CYTH3: variants seen among roughly 807,000 people sequenced by gnomAD.
CYTH3 encodes cytohesin-3.
A neutral mutation model predicts 55.1 loss-of-function variants in CYTH3; 23 were observed. The ratio of observed to expected loss-of-function variants is 0.42; its 90% CI spans 0.30 to 0.59. CYTH3 has a LOEUF of 0.59. CYTH3 is among the 20% of genes least tolerant of loss of function. The pLI, the probability that CYTH3 is intolerant of heterozygous loss-of-function variation, is 0.20. For synonymous variants in CYTH3, 249 were observed against 194.9 expected, an observed-to-expected ratio of 1.28 and a Z score of -2.31; for missense variants, 413 against 524.8, an observed-to-expected ratio of 0.79 and a Z score of 2.08.
In CYTH3 at chr7:6,215,220, T is replaced by C. The variant is rs997979090; in HGVS notation, c.35-24689A>G. On this transcript the variant is annotated intron_variant, in intron 1 of 12. Coordinates refer to ENST00000350796, the MANE Select transcript of CYTH3 (RefSeq NM_004227.4). ...TTCCTGATTATTCCCCCTGCTCTAG[T>C]GACCCAAGAGCAGAAGATGCTCCAC... 2.0e-5 allele frequency among the ~76,000 whole-genome samples: 3 copies of C among 152,298 alleles called. No homozygotes were observed. The South Asian group carries it at 6.2e-4, about 32-fold the overall frequency.
intron 1 of CYTH3, among the ~76,000 whole-genome samples, chr7:6,214,443 T>C (rs897254812): frequency 6.6e-6 from 1 of 152,244 alleles, no homozygotes; most frequent in Non-Finnish European, 1.5e-5. Context: ...TAAAAATTAC[T>C]ACTTTTATTT....
rs550963983 is a variant in CYTH3, at chr7:6,268,155, A to G, written c.34+4319T>C. ...GAGCACGCAATGCACACTTTCCTACACTTTGCTCTTGTAATTTTGTTTTGT... is the reference window on the plus strand; with the variant it reads ...GAGCACGCAATGCACACTTTCCTACGCTTTGCTCTTGTAATTTTGTTTTGT... On this transcript the variant is annotated intron_variant, in intron 1 of 12. Coordinates refer to ENST00000350796, the MANE Select transcript of CYTH3 (RefSeq NM_004227.4). Among the ~76,000 whole-genome samples the G allele has an allele frequency of 1.3e-4, 19 of 151,822 alleles. No homozygotes were observed. The South Asian group carries it at 3.8e-3, about 30-fold the overall frequency.
intron 1 of CYTH3, among the ~76,000 whole-genome samples, chr7:6,258,210 G>A (rs1780179836): frequency 6.6e-6 from 1 of 151,790 alleles, no homozygotes; most frequent in Non-Finnish European, 1.5e-5. Flanking sequence ...CTACTTGAGA[G>A]GCTGAGGTGG....
At chr7:6,194,109 C>A (rs1252336831) in intron 1 of CYTH3, among the ~76,000 whole-genome samples, 1 of 152,202 alleles carries the variant, frequency 6.6e-6, no homozygotes, top group Non-Finnish European at 1.5e-5. Context: ...TTACTTCTTC[C>A]TTCCCAAACT....
chr7:6,239,365 T>G (rs1562405044), intron 1 of CYTH3, among the ~76,000 whole-genome samples: 1 of 152,196 alleles, frequency 6.6e-6, no homozygotes, highest in Admixed American at 6.5e-5. Context: ...CCTCTCCCCT[T>G]TAGCCAACAT....
intron 2 of CYTH3, 68 bp downstream of exon 2, chr7:6,190,368 TTGTGAGGCTACTC>T: frequency 9.7e-7 from 1 of 1,026,364 alleles, no homozygotes; most frequent in South Asian, 2.0e-5. Context: ...TTTTACATTT[TTGTGAGGCTACTC>T]TTTTACTATT....
chr7:6,220,953 G>A (rs989938128), intron 1 of CYTH3, among the ~76,000 whole-genome samples: 9 of 151,980 alleles, frequency 5.9e-5, no homozygotes, highest in South Asian at 4.2e-4. Context: ...TCGAGATCGC[G>A]CCACTGCACT....
intron 1 of CYTH3, among the ~76,000 whole-genome samples, chr7:6,252,437 C>T (rs996356119): frequency 1.3e-5 from 2 of 152,098 alleles, no homozygotes; most frequent in African/African-American, 2.4e-5. Context: ...AGACTAGTCA[C>T]GAACAAAATT....
intron 1 of CYTH3, among the ~76,000 whole-genome samples, chr7:6,207,117 C>T (rs1216697351): frequency 1.5e-4 from 15 of 99,142 alleles, no homozygotes; most frequent in South Asian, 3.5e-4. Context: ...TTTTTTGAGA[C>T]GGAGTCTCAC....
chr7:6,259,783 TAATATATATATATA>T (rs1780267287), intron 1 of CYTH3, among the ~76,000 whole-genome samples: 1 of 18,856 alleles, frequency 5.3e-5, no homozygotes, highest in Non-Finnish European at 6.8e-5. Flanking sequence ...TATATATATA[TAATATATATATATA>T]TATATATATA....
intron 1 of CYTH3, among the ~76,000 whole-genome samples, chr7:6,224,616 T>C (rs539102440): frequency 1.1e-4 from 17 of 152,356 alleles, no homozygotes; most frequent in African/African-American, 4.1e-4. Context: ...CTGGCGTGAA[T>C]GGAAAATGGT....
intron 1 of CYTH3, among the ~76,000 whole-genome samples, chr7:6,213,453 T>C (rs528933559): frequency 3.5e-4 from 54 of 152,280 alleles, no homozygotes; most frequent in Admixed American, 5.9e-4. Flanking sequence ...TTAATAACGT[T>C]GGTGCCTATC....
At chr7:6,248,691 C>T (rs577647140) in intron 1 of CYTH3, among the ~76,000 whole-genome samples, 4 of 152,246 alleles carry the variant, frequency 2.6e-5, no homozygotes, top group East Asian at 1.9e-4. Context: ...AGGCCTCCCT[C>T]GCTCTCTGCT....
At chr7:6,258,062 C>T (rs1165810147) in intron 1 of CYTH3, among the ~76,000 whole-genome samples, 2 of 152,150 alleles carry the variant, frequency 1.3e-5, no homozygotes, top group Non-Finnish European at 2.9e-5. Context: ...TCACTTGAGG[C>T]CAGGAGTTTA....
chr7:6,179,720 A>C (rs1341086730), intron 4 of CYTH3, among the ~76,000 whole-genome samples: 7 of 88,386 alleles, frequency 7.9e-5, no homozygotes, highest in East Asian at 3.6e-4. Context: ...CACCCCACAC[A>C]CCACACACAC....
chr7:6,175,958 C>T (rs1783340440), intron 5 of CYTH3, among the ~76,000 whole-genome samples: 2 of 152,154 alleles, frequency 1.3e-5, no homozygotes, highest in Admixed American at 1.3e-4. Flanking sequence ...TGTGCAACTT[C>T]TGCAAAGAAG....
intron 1 of CYTH3, among the ~76,000 whole-genome samples, chr7:6,220,445 C>A (rs573829010): frequency 6.6e-6 from 1 of 151,764 alleles, no homozygotes; most frequent in Non-Finnish European, 1.5e-5. Context: ...AATCCACAAA[C>A]GTGACTGAGA....
intron 9 of CYTH3, among the ~76,000 whole-genome samples, chr7:6,168,969 C>A (rs962973758): frequency 1.3e-5 from 2 of 152,214 alleles, no homozygotes; most frequent in Non-Finnish European, 2.9e-5. Context: ...ACATTCCCCC[C>A]CACCGGCCCT....
At chr7:6,185,367 C>T (rs563133703) in intron 4 of CYTH3, among the ~76,000 whole-genome samples, 1 of 151,224 alleles carries the variant, frequency 6.6e-6, no homozygotes, top group South Asian at 2.1e-4. Context: ...GGGCAGATCA[C>T]CTGAGGTCAG....
Sources: allele counts gnomAD v4.1 joint callset (sites outside exome capture counted in the v4.1 genomes callset), GRCh38; gene constraint gnomAD v4.1.1; transcripts MANE v1.5; gene names NCBI Gene and HGNC (gene_info 2026-07-23, HGNC 2026-07-21).